Variants in FSTL1 observed in about 807,000 individuals in gnomAD.
FSTL1 encodes follistatin-related protein 1.
In FSTL1, 24 loss-of-function variants were observed where a neutral mutation model predicts 45.9. The observed-to-expected ratio is 0.52, with a 90% CI of 0.38 to 0.74. FSTL1 has a LOEUF of 0.74. Ranked by LOEUF, FSTL1 falls within the 30% of genes least tolerant of loss-of-function variation. FSTL1 has a pLI of 0.00. For synonymous variants in FSTL1, 120 were observed against 137.6 expected (o/e 0.87, Z 0.89); for missense variants, 340 against 381.8 (o/e 0.89, Z 0.91).
intron 2 of FSTL1, among the ~76,000 whole-genome samples, chr3:120,418,266 T>C (rs1463233863): frequency 6.6e-6 from 1 of 152,254 alleles, no homozygotes; most frequent in African/African-American, 2.4e-5. Flanking sequence ...TTATTAACCC[T>C]ATTCCATAGA....
At chr3:120,440,232 G>A (rs1165236445) in intron 2 of FSTL1, among the ~76,000 whole-genome samples, 1 of 152,248 alleles carries the variant, frequency 6.6e-6, no homozygotes, top group Non-Finnish European at 1.5e-5. Context: ...AGAAGTAAAT[G>A]GACCTAATTC....
At position 120,435,442 on chromosome 3, in the gene FSTL1, G is replaced by C. The variant is rs542258888; in HGVS notation, c.63+15242C>G. 3.5e-4 allele frequency among the ~76,000 whole-genome samples: 53 copies of C among 152,070 alleles called. 1 individual carries two copies. The highest frequency in any genetic ancestry group is 1.1e-3 in the African/African-American group (46 of 41,430). On this transcript the variant is annotated intron_variant, in intron 2 of 10. Transcript: ENST00000295633. Reference sequence around the variant, plus strand: ...ATCACTATTTTCCTCCTCCTTATTTGTTCTACCCACTTCTAGGACAAGAAC... The same window carrying C: ...ATCACTATTTTCCTCCTCCTTATTTCTTCTACCCACTTCTAGGACAAGAAC...
At chr3:120,420,995 A>C (rs549010091) in intron 2 of FSTL1, among the ~76,000 whole-genome samples, 13 of 152,364 alleles carry the variant, frequency 8.5e-5, no homozygotes, top group Non-Finnish European at 1.5e-4. Flanking sequence ...CAAATGGAGA[A>C]GCAAGTTATT....
intron 3 of FSTL1, among the ~76,000 whole-genome samples, chr3:120,415,004 A>T (rs530322773): frequency 1.1e-3 from 140 of 125,114 alleles, no homozygotes; most frequent in Admixed American, 1.8e-3. Flanking sequence ...TAAATAAATT[A>T]AAAAAAAAAG....
At chr3:120,450,544 C>T in intron 2 of FSTL1, 140 bp downstream of exon 2, 2 of 517,202 alleles carry the variant, frequency 3.9e-6, no homozygotes, top group Non-Finnish European at 3.3e-6. Flanking sequence ...ACTGCCCCAG[C>T]TCCACCCCAG....
chr3:120,410,921 G>A (rs750347269), intron 5 of FSTL1, 31 bp downstream of exon 5: 1 of 1,536,530 alleles, frequency 6.5e-7, no homozygotes, highest in Non-Finnish European at 9.0e-7. Flanking sequence ...TCCTCCCTGA[G>A]ATGCACACAG....
At chr3:120,435,000 CAT>C (rs1307139711) in intron 2 of FSTL1, among the ~76,000 whole-genome samples, 1 of 152,194 alleles carries the variant, frequency 6.6e-6, no homozygotes. Context: ...AGGGAGCTCA[CAT>C]GAGGTCAGGA....
chr3:120,446,413 G>T (rs1394049635), intron 2 of FSTL1, among the ~76,000 whole-genome samples: 10 of 152,336 alleles, frequency 6.6e-5, no homozygotes, highest in Admixed American at 4.6e-4. Flanking sequence ...TAGGGGAACT[G>T]TAACGTGTCC....
chr3:120,439,160 C>T lies in FSTL1; in HGVS notation c.63+11524G>A, dbSNP rs564385329. On this transcript the variant is annotated intron_variant, in intron 2 of 10. Transcript: ENST00000295633. ...CGAGAGCAAGGCCGGAAAGCCTGCTCGGGTTTTGCTCAGCTAATGCAAACA... is the reference window on the plus strand; with the variant it reads ...CGAGAGCAAGGCCGGAAAGCCTGCTTGGGTTTTGCTCAGCTAATGCAAACA... 9.2e-5 allele frequency among the ~76,000 whole-genome samples: 14 copies of T among 152,264 alleles called. No individual in the cohort carries two copies. The East Asian group carries it at 2.3e-3, about 25-fold the overall frequency.
At chr3:120,435,328 C>G (rs1161419161) in intron 2 of FSTL1, among the ~76,000 whole-genome samples, 1 of 152,216 alleles carries the variant, frequency 6.6e-6, no homozygotes, top group Non-Finnish European at 1.5e-5. Flanking sequence ...AAATTCTTCA[C>G]TCAATTGCCT....
intron 5 of FSTL1, 31 bp downstream of exon 5, chr3:120,410,921 G>C (rs750347269): frequency 1.1e-5 from 17 of 1,536,530 alleles, no homozygotes; most frequent in Non-Finnish European, 1.5e-5. Flanking sequence ...TCCTCCCTGA[G>C]ATGCACACAG....
chr3:120,428,279 T>G (rs1363061807), intron 2 of FSTL1, among the ~76,000 whole-genome samples: 3 of 152,180 alleles, frequency 2.0e-5, no homozygotes, highest in African/African-American at 7.2e-5. Context: ...TATCTCCCCT[T>G]GGATTGGGCA....
chr3:120,439,387 G>A (rs1049739385), intron 2 of FSTL1, among the ~76,000 whole-genome samples: 1 of 152,164 alleles, frequency 6.6e-6, no homozygotes, highest in African/African-American at 2.4e-5. Flanking sequence ...AGCACACTGT[G>A]GGTACAAGAA....
At chr3:120,419,916 C>T (rs528690436) in intron 2 of FSTL1, among the ~76,000 whole-genome samples, 49 of 152,318 alleles carry the variant, frequency 3.2e-4, no homozygotes, top group African/African-American at 1.1e-3. Context: ...CTCACAACCT[C>T]TGTGCAGGTC....
At chr3:120,437,760 G>A (rs899525676) in intron 2 of FSTL1, among the ~76,000 whole-genome samples, 16 of 152,206 alleles carry the variant, frequency 1.1e-4, no homozygotes, top group South Asian at 2.1e-4. Context: ...AGGATCAATA[G>A]CACGATTTAG....
rs1463623699 is a variant in FSTL1 at position 120,394,927 on chromosome 3, G to A, written c.*2025C>T. ...AAATGACTAGTGAAGAGACACTGTG[G>A]TTTCTTGCTTTTAACAAATTGGTGT... On this transcript the variant is annotated 3_prime_UTR_variant, in exon 11 of 11. Coordinates refer to ENST00000295633, the MANE Select transcript of FSTL1 (RefSeq NM_007085.5). 2.0e-5 allele frequency: 3 copies of A among 152,240 alleles called. No homozygotes were observed. The highest frequency in any genetic ancestry group is 7.2e-5 in the African/African-American group (3 of 41,442). The allele number at this position is 152,240 out of a possible 1,614,324, so 9.4% of individuals were successfully genotyped here. A position where few individuals can be genotyped will look rare whatever the true frequency, so the allele number is the denominator to read the frequency against.
intron 2 of FSTL1, among the ~76,000 whole-genome samples, chr3:120,422,583 G>A (rs1385542065): frequency 1.3e-5 from 2 of 152,102 alleles, no homozygotes; most frequent in Admixed American, 6.5e-5. Context: ...GTGGCACTTC[G>A]GATGTTTTTG....
At chr3:120,413,967 G>A (rs1316663269) in intron 3 of FSTL1, among the ~76,000 whole-genome samples, 1 of 152,002 alleles carries the variant, frequency 6.6e-6, no homozygotes, top group East Asian at 1.9e-4. Flanking sequence ...GGTTTTGGTG[G>A]AGACGGGGTT....
chr3:120,430,159 C>T (rs574695530), intron 2 of FSTL1, among the ~76,000 whole-genome samples: 9 of 152,308 alleles, frequency 5.9e-5, no homozygotes, highest in Admixed American at 3.3e-4. Flanking sequence ...CAGCCACAGG[C>T]TCAGTTACAA....
Sources: gnomAD v4.1 joint callset for allele counts (sites outside exome capture counted in the v4.1 genomes callset) on GRCh38, gnomAD v4.1.1 for gene constraint, MANE v1.5 for transcripts, NCBI Gene and HGNC (gene_info 2026-07-23, HGNC 2026-07-21) for gene names.